TCN2: variants seen among roughly 807,000 people sequenced by gnomAD.
The protein encoded by TCN2 is transcobalamin 2.
TCN2 carries 34 observed loss-of-function variants against 48.6 expected under a neutral mutation model. That is an observed-to-expected ratio of 0.70 (90% CI 0.53 to 0.93). The LOEUF (loss-of-function observed/expected upper bound fraction) is 0.93, where lower values mean the gene tolerates loss of function less well. Among genes scored for constraint, TCN2 ranks in the 40% least tolerant of loss-of-function variants. The pLI is 0.00. For missense variants in TCN2, 652 were observed against 526.1 expected (o/e 1.24, Z -2.34); for synonymous variants, 283 against 212.5 (o/e 1.33, Z -2.89).
At chr22:30,621,986 G>A (rs1400355934) in intron 7 of TCN2, among the ~76,000 whole-genome samples, 2 of 152,140 alleles carry the variant, frequency 1.3e-5, no homozygotes, top group Non-Finnish European at 2.9e-5. Context: ...GGCCCACGGA[G>A]TTTGTTTTGT....
chr22:30,625,286 C>T (rs2087789158), intron 8 of TCN2, among the ~76,000 whole-genome samples: 1 of 152,108 alleles, frequency 6.6e-6, no homozygotes, highest in South Asian at 2.1e-4. Flanking sequence ...AGTCCCAGAT[C>T]AGGACACTGA....
intron 4 of TCN2, among the ~76,000 whole-genome samples, 183 bp downstream of exon 4, chr22:30,614,684 G>A (rs1258590680): frequency 6.6e-6 from 1 of 152,200 alleles, no homozygotes; most frequent in Non-Finnish European, 1.5e-5. Context: ...CAGCTTTGGA[G>A]CTGGTAGGTG....
intron 3 of TCN2, among the ~76,000 whole-genome samples, 173 bp downstream of exon 3, chr22:30,613,215 G>A (rs1185373720): frequency 6.6e-6 from 1 of 152,146 alleles, no homozygotes; most frequent in Non-Finnish European, 1.5e-5. Flanking sequence ...AGCCATCCTT[G>A]ACCCAGCTTT....
At chr22:30,615,224 G>T in intron 4 of TCN2, 77 bp from the exon 5 acceptor site, 1 of 1,522,560 alleles carries the variant, frequency 6.6e-7, no homozygotes, top group Non-Finnish European at 9.1e-7. Flanking sequence ...AGCTACAAGG[G>T]CCTGACCCTC....
rs756127737 is a variant in TCN2, at chr22:30,612,993, G to C, written c.378G>C (p.Arg126Ser). ...CEFVRGHKGD[R>S]LVSQLKWFLE... ...TTGTCAGGGGCCACAAGGGGGACAG[G>C]CTGGTCTCACAGCTCAAATGGTTCC... Residue 126 changes from arginine to serine, a missense_variant, in exon 3 of 9, where the codon AGG (arginine) becomes AGC (serine). Transcript: ENST00000215838. 4.5e-5 allele frequency: 73 copies of C among 1,614,222 alleles called. No individual in the cohort carries two copies. Among genetic ancestry groups the C allele is most frequent in the Non-Finnish European group, 5.8e-5 (68 of 1,180,040 alleles).
chr22:30,617,941 T>G (rs1602050700), intron 7 of TCN2, among the ~76,000 whole-genome samples: 7 of 152,276 alleles, frequency 4.6e-5, no homozygotes. Flanking sequence ...TTTGTTTGTT[T>G]GTTTGTTTGT....
chr22:30,619,082 T>C (rs2087658896), intron 7 of TCN2, among the ~76,000 whole-genome samples: 1 of 151,970 alleles, frequency 6.6e-6, no homozygotes, highest in African/African-American at 2.4e-5. Flanking sequence ...GAATAAGAAC[T>C]TTTATTTTAT....
chr22:30,610,797 C>T, intron 1 of TCN2, 74 bp from the exon 2 acceptor site: 2 of 1,536,508 alleles, frequency 1.3e-6, no homozygotes, highest in Admixed American at 1.7e-5. Context: ...TGGAGAAGGC[C>T]CTGGTAACGT....
intron 7 of TCN2, among the ~76,000 whole-genome samples, chr22:30,621,416 C>T (rs13055009): frequency 0.35 from 53,924 of 151,994 alleles, 10,060 homozygotes; most frequent in Non-Finnish European, 0.42. Context: ...GTTACTTTGA[C>T]GGTCTCACCT....
At chr22:30,607,480 G>GC in intron 1 of TCN2, 85 bp downstream of exon 1, 1 of 1,446,222 alleles carries the variant, frequency 6.9e-7, no homozygotes, top group Non-Finnish European at 9.6e-7. Context: ...GAACTTACCT[G>GC]CCCTTCTAAG....
intron 6 of TCN2, among the ~76,000 whole-genome samples, chr22:30,616,975 A>G (rs957697875): frequency 6.6e-6 from 1 of 152,114 alleles, no homozygotes; most frequent in Non-Finnish European, 1.5e-5. Flanking sequence ...GCATCAGGGT[A>G]ACAGAGATGC....
Position 30,623,959 on chromosome 22 carries a change from T to TATATACACACACACATATGTATAC in TCN2, c.1222+889_1222+890insCATATGTATACATATACACACACA, listed in dbSNP as rs1569046975. Among the ~76,000 whole-genome samples the TATATACACACACACATATGTATAC allele has an allele frequency of 2.1e-4, 20 of 95,078 alleles. 9 individuals carry two copies. Among genetic ancestry groups the TATATACACACACACATATGTATAC allele is most frequent in the Non-Finnish European group, 3.8e-4 (20 of 52,656 alleles). 62.4% of individuals were successfully genotyped at this position (95,078 alleles called of 152,430 possible). A position where few individuals can be genotyped will look rare whatever the true frequency, so the allele number is the denominator to read the frequency against. ...ATATACACACACACATATGTATACA[T>TATATACACACACACATATGTATAC]ATATACACACACATATATATGTATA... On this transcript the variant is annotated intron_variant, in intron 8 of 8. Coordinates refer to ENST00000215838, the MANE Select transcript of TCN2 (RefSeq NM_000355.4).
chr22:30,620,995 T>TGG (rs149532960), intron 7 of TCN2, among the ~76,000 whole-genome samples: 2,986 of 152,128 alleles, frequency 0.02, 79 homozygotes, highest in African/African-American at 0.062. Context: ...AGGGTGGTGG[T>TGG]TGTTGTTGTT....
In TCN2 at chr22:30,612,949, C is replaced by T. The variant is rs777103002; in HGVS notation, c.334C>T (p.Leu112Phe). Reference sequence around the variant, plus strand: ...CCAGCTGGCCCTCTACCTGCTCGCTCTCAGAGCCAACTGTGAGTTTGTCAG... The same window carrying T: ...CCAGCTGGCCCTCTACCTGCTCGCTTTCAGAGCCAACTGTGAGTTTGTCAG... ...MGQLALYLLA[L>F]RANCEFVRGH... Residue 112 changes from leucine (L) to phenylalanine (F), a missense_variant, in exon 3 of 9, where the codon CTC becomes TTC. By Grantham distance (22) the Leu-to-Phe change is conservative. Transcript: ENST00000215838. 3 of 1,614,088 alleles carry T rather than the reference C, an allele frequency of 1.9e-6. No individual in the cohort carries two copies. The highest frequency in any genetic ancestry group is 2.2e-5 in the South Asian group (2 of 91,086).
intron 4 of TCN2, among the ~76,000 whole-genome samples, 190 bp downstream of exon 4, chr22:30,614,691 G>A (rs1322858474): frequency 6.6e-6 from 1 of 152,176 alleles, no homozygotes; most frequent in African/African-American, 2.4e-5. Context: ...GGAGCTGGTA[G>A]GTGGATCTCT....
intron 1 of TCN2, among the ~76,000 whole-genome samples, chr22:30,607,953 A>G (rs905233414): frequency 2.0e-5 from 3 of 152,190 alleles, no homozygotes; most frequent in Admixed American, 2.0e-4. Context: ...TCGAAGGAAG[A>G]AAAGGAGCTG....
chr22:30,615,579 C>G lies in TCN2; in HGVS notation c.754-22C>G, dbSNP rs201825194. 1.3e-4 allele frequency: 206 copies of G among 1,613,978 alleles called. No individual in the cohort carries two copies. In the Middle Eastern group the frequency reaches 2.6e-3, roughly 21 times the overall value. ...CTCCCTGCCGGCTGACTTCCTCTCTCTCTTCCTCACTCTATCACCAGTTCC... is the reference window on the plus strand; with the variant it reads ...CTCCCTGCCGGCTGACTTCCTCTCTGTCTTCCTCACTCTATCACCAGTTCC... On this transcript the variant is annotated intron_variant, in intron 5 of 8. Coordinates refer to ENST00000215838, the MANE Select transcript of TCN2 (RefSeq NM_000355.4).
rs147853072 is a variant in TCN2 at position 30,609,141 on chromosome 22, C to T, written c.65-1730C>T. ...TAATGCAAAGTGGGCTCCTGTGCTT[C>T]CTTTTCTCTTTCTTCTTCTTTTTTT... On this transcript the variant is annotated intron_variant, in intron 1 of 8. Transcript: ENST00000215838. 6.6e-5 allele frequency among the ~76,000 whole-genome samples: 10 copies of T among 151,846 alleles called. No homozygotes were observed. In the East Asian group the frequency reaches 1.7e-3, roughly 27 times the overall value.
intron 1 of TCN2, among the ~76,000 whole-genome samples, chr22:30,609,131 TC>T (rs1464346521): frequency 6.6e-6 from 1 of 151,854 alleles, no homozygotes; most frequent in Non-Finnish European, 1.5e-5. Flanking sequence ...CAAAGTGGGC[TC>T]CTGTGCTTCC....
Sources: allele counts gnomAD v4.1 joint callset (sites outside exome capture counted in the v4.1 genomes callset), GRCh38; gene constraint gnomAD v4.1.1; transcripts MANE v1.5; gene names NCBI Gene and HGNC (gene_info 2026-07-23, HGNC 2026-07-21).